The following GLS variants were observed in gnomAD, a reference collection of about 807,000 sequenced individuals.
GLS encodes glutaminase kidney isoform, mitochondrial.
Under a neutral mutation model 86.7 loss-of-function variants are expected in GLS, and 36 were observed. The observed-to-expected ratio is 0.42, with a 90% confidence interval of 0.32 to 0.55. The LOEUF (loss-of-function observed/expected upper bound fraction) is 0.55, where lower values mean the gene tolerates loss of function less well. Among genes scored for constraint, GLS ranks in the 20% least tolerant of loss-of-function variants. The pLI is 0.17. For missense variants in GLS, 528 were observed against 833.4 expected (o/e 0.63, Z 4.51); for synonymous variants, 317 against 305.9 (o/e 1.04, Z -0.38).
At chr2:190,923,094 C>G (rs1689797424) in intron 9 of GLS, among the ~76,000 whole-genome samples, 1 of 152,282 alleles carries the variant, frequency 6.6e-6, no homozygotes, top group African/African-American at 2.4e-5. Context: ...TGCCTAAATT[C>G]AGGCTTTTGT....
intron 14 of GLS, among the ~76,000 whole-genome samples, chr2:190,948,539 G>T (rs933728484): frequency 1.3e-5 from 2 of 152,170 alleles, no homozygotes; most frequent in African/African-American, 4.8e-5. Context: ...TTTTAAAGGG[G>T]AATGTGTAGT....
intron 1 of GLS, 132 bp downstream of exon 1, chr2:190,881,602 C>T (rs1325801175): frequency 3.6e-6 from 3 of 825,794 alleles, no homozygotes; most frequent in Non-Finnish European, 3.6e-6. Flanking sequence ...GCCGGGCGGC[C>T]TGCGCCGTCT....
chr2:190,919,170 A>T (rs958795314), intron 7 of GLS, among the ~76,000 whole-genome samples: 4 of 152,160 alleles, frequency 2.6e-5, no homozygotes, highest in Non-Finnish European at 5.9e-5. Flanking sequence ...GCTCAATAAA[A>T]TGAGGTGTGC....
chr2:190,915,201 C>T (rs1205507318), intron 7 of GLS, among the ~76,000 whole-genome samples: 1 of 150,870 alleles, frequency 6.6e-6, no homozygotes, highest in African/African-American at 2.4e-5. Context: ...AGGGTTTCAC[C>T]ATGTTAGCCA....
chr2:190,962,329 G>A lies in GLS; in HGVS notation c.1854-501G>A, dbSNP rs1558998408. ...CTTTGGGGCCAATCTTGCTCCTCCA[G>A]TGTGTTTTAGCCCTAATGAGGTCAT... On this transcript the variant is annotated intron_variant, in intron 17 of 17. Coordinates refer to ENST00000320717, the MANE Select transcript of GLS (RefSeq NM_014905.5). This position sits in a 1 kb window ranked among gnomAD's most constrained non-coding sequence, Gnocchi z 4.2. Among the ~76,000 whole-genome samples the A allele has an allele frequency of 6.6e-6, 1 of 152,184 alleles. No individual in the cohort carries two copies.
intron 4 of GLS, 35 bp from the exon 5 acceptor site, chr2:190,901,912 T>C (rs769497640): frequency 9.0e-6 from 11 of 1,219,174 alleles, no homozygotes; most frequent in Admixed American, 1.7e-5. Context: ...TTGTCAATAT[T>C]ATATCTATTC....
chr2:190,928,892 G>GTTTTTTTTTTTTTTTTTTTTTT (rs367999647), intron 12 of GLS, among the ~76,000 whole-genome samples: 1 of 12,820 alleles, frequency 7.8e-5, no homozygotes, highest in South Asian at 4.0e-3. Context: ...ATTCAGGTGT[G>GTTTTTTTTTTTTTTTTTTTTTT]TTTTTTTTTT....
rs755061776 is a variant in GLS, at chr2:190,943,088, TA to T, written c.1651-10475del. Among the ~76,000 whole-genome samples the T allele has an allele frequency of 2.6e-5, 4 of 152,228 alleles. No homozygotes were observed. The highest frequency in any genetic ancestry group is 4.8e-5 in the African/African-American group (2 of 41,462). ...GCAAGGGAATCTGGGAAAGTGTTTT[TA>T]ATTGGACACAATACTACCTTTAACA... On this transcript the variant is annotated intron_variant, in intron 14 of 17. Coordinates refer to ENST00000320717, the MANE Select transcript of GLS (RefSeq NM_014905.5). The surrounding 1 kb of genome is among the most constrained non-coding windows in gnomAD (Gnocchi z 4.5).
At chr2:190,939,164 G>A (rs1246824703) in intron 14 of GLS, among the ~76,000 whole-genome samples, 1 of 151,604 alleles carries the variant, frequency 6.6e-6, no homozygotes, top group African/African-American at 2.4e-5. Context: ...GGATCTGTGA[G>A]TGGCCCCCAA....
chr2:190,913,110 T>TC lies in GLS; in HGVS notation c.1038+2795dup. 8.3e-7 allele frequency: 1 copy of TC among 1,206,954 alleles called. No individual in the cohort carries two copies. The highest frequency in any genetic ancestry group is 1.1e-6 in the Non-Finnish European group (1 of 902,994). The allele number at this position is 1,206,954 out of a possible 1,614,324, so 74.8% of individuals were successfully genotyped here. A position where few individuals can be genotyped will look rare whatever the true frequency, so the allele number is the denominator to read the frequency against. ...ATTAAAATCATTTTCTTCATGTTAA[T>TC]CCCCCCACCCCAAAATTAAGTAGAG... On this transcript the variant is annotated intron_variant, in intron 7 of 17. Coordinates refer to ENST00000320717, the MANE Select transcript of GLS (RefSeq NM_014905.5). The surrounding 1 kb of genome is among the most constrained non-coding windows in gnomAD (Gnocchi z 6.1).
Position 190,924,834 on chromosome 2 carries a change from G to C in GLS, c.1248+241G>C. ...TGAGGCTGAGGCAGGAGAATCCCTT[G>C]AACCTGGAAGGCCGAGGTTGCAGTG... On this transcript the variant is annotated intron_variant, in intron 11 of 17. Transcript: ENST00000320717. The surrounding 1 kb of genome is among the most constrained non-coding windows in gnomAD (Gnocchi z 5.2). 1 of 375,050 alleles carries C rather than the reference G, an allele frequency of 2.7e-6. No individual in the cohort carries two copies. The highest frequency in any genetic ancestry group is 4.9e-6 in the Non-Finnish European group (1 of 203,160). The allele number at this position is 375,050 out of a possible 1,614,324, so 23.2% of individuals were successfully genotyped here. A position where few individuals can be genotyped will look rare whatever the true frequency, so the allele number is the denominator to read the frequency against.
At chr2:190,907,821 C>T (rs1156322992) in intron 6 of GLS, among the ~76,000 whole-genome samples, 1 of 152,126 alleles carries the variant, frequency 6.6e-6, no homozygotes, top group Admixed American at 6.5e-5. Flanking sequence ...CTACAGGATA[C>T]AGAAGGCAAT....
At chr2:190,881,629 C>G (rs1688190000) in intron 1 of GLS, 159 bp downstream of exon 1, 1 of 630,984 alleles carries the variant, frequency 1.6e-6, no homozygotes, top group East Asian at 3.5e-5. Flanking sequence ...TGTGATTAGG[C>G]CCGGCCCCGC....
At chr2:190,918,505 A>AT (rs547604862) in intron 7 of GLS, among the ~76,000 whole-genome samples, 147 of 148,568 alleles carry the variant, frequency 9.9e-4, no homozygotes, top group South Asian at 2.8e-3. Context: ...AGCTAGTTTC[A>AT]TTTTTTTTTT....
intron 14 of GLS, among the ~76,000 whole-genome samples, chr2:190,937,705 T>A (rs958571750): frequency 4.0e-5 from 6 of 151,298 alleles, no homozygotes; most frequent in African/African-American, 1.2e-4. Flanking sequence ...AGAGATTTTT[T>A]AAATATGCCA....
At chr2:190,934,086 C>G in intron 14 of GLS, 1 of 975,686 alleles carries the variant, frequency 1.0e-6, no homozygotes, top group Non-Finnish European at 1.2e-6. Context: ...CCATATACTT[C>G]TCTGGTTTTC....
intron 1 of GLS, chr2:190,881,713 G>A (rs1688200309): frequency 8.8e-6 from 4 of 456,042 alleles, no homozygotes; most frequent in Non-Finnish European, 1.6e-5. Flanking sequence ...GGTCGCCCTG[G>A]TGGGGCCGCG....
rs1209574868 is a variant in GLS at position 190,951,856 on chromosome 2, G to A, written c.1651-1709G>A. Among the ~76,000 whole-genome samples the A allele has an allele frequency of 6.6e-6, 1 of 152,210 alleles. No homozygotes were observed. Among genetic ancestry groups the A allele is most frequent in the Non-Finnish European group, 1.5e-5 (1 of 68,028 alleles). On this transcript the variant is annotated intron_variant, in intron 14 of 17. Coordinates refer to ENST00000320717, the MANE Select transcript of GLS (RefSeq NM_014905.5). This position sits in a 1 kb window ranked among gnomAD's most constrained non-coding sequence, Gnocchi z 4.2. ...AAAAAGAAAGACATTAAGGACACCT[G>A]AAACAGTGGTTTATAACCCAGAAAA...
intron 14 of GLS, chr2:190,934,598 G>T: frequency 1.0e-6 from 1 of 984,234 alleles, no homozygotes; most frequent in Non-Finnish European, 1.2e-6. Flanking sequence ...TGGAAAAAAG[G>T]CATTGTGGTT....
Sources: allele counts gnomAD v4.1 joint callset (sites outside exome capture counted in the v4.1 genomes callset), GRCh38; gene constraint gnomAD v4.1.1; non-coding constraint Gnocchi (gnomAD v3.1); transcripts MANE v1.5; gene names NCBI Gene and HGNC (gene_info 2026-07-23, HGNC 2026-07-21).